Variants in ALDH7A1 observed in about 807,000 individuals in gnomAD.
ALDH7A1 encodes the protein alpha-aminoadipic semialdehyde dehydrogenase.
Under a neutral mutation model 79.9 loss-of-function variants are expected in ALDH7A1, and 63 were observed. The observed-to-expected ratio is 0.79, with a 90% CI of 0.64 to 0.97. ALDH7A1 has a LOEUF of 0.97. Among genes scored for constraint, ALDH7A1 ranks in the 50% least tolerant of loss-of-function variants. ALDH7A1 has a pLI of 0.00. For synonymous variants in ALDH7A1, 240 were observed against 231.2 expected, an observed-to-expected ratio of 1.04 and a Z score of -0.34; for missense variants, 627 against 665.2, an observed-to-expected ratio of 0.94 and a Z score of 0.63.
chr5:126,559,967 C>T (rs529993039), intron 10 of ALDH7A1, among the ~76,000 whole-genome samples: 23 of 98,916 alleles, frequency 2.3e-4, no homozygotes, highest in African/African-American at 6.5e-4. Flanking sequence ...TTTTCTGAGA[C>T]GGAGTCTCAC....
In ALDH7A1 at chr5:126,559,282, A is replaced by G. The variant is rs1750309819; in HGVS notation, c.966T>C (p.Ala322=). Residue 322 remains alanine, a synonymous_variant, in exon 11 of 18, where the codon GCT becomes GCC. Transcript: ENST00000409134. ...SLVVPSALFA[A]VGTAGQRCTT... ...TACACCTCTGGCCAGCTGTTCCCAC[A>G]GCAGCGAAGAGAGCTGATGGAACAA... The G allele has an allele frequency of 1.9e-6, 3 of 1,614,080 alleles. No homozygotes were observed. In the East Asian group the frequency reaches 6.7e-5, roughly 36 times the overall value.
rs76737912 is a variant in ALDH7A1 at position 126,554,576 on chromosome 5, C to A, written c.1094-183G>T. On this transcript the variant is annotated intron_variant, in intron 12 of 17. Transcript: ENST00000409134. ...AATATTTTATGCTTTGGAGGACATA[C>A]GTGATCTCCATCCCAATACTCAACT... 4.7e-6 allele frequency: 3 copies of A among 641,102 alleles called. No homozygotes were observed. The Admixed American group carries it at 6.6e-5, about 14-fold the overall frequency. 39.7% of individuals were successfully genotyped at this position (641,102 alleles called of 1,614,324 possible). A position where few individuals can be genotyped will look rare whatever the true frequency, so the allele number is the denominator to read the frequency against.
intron 12 of ALDH7A1, chr5:126,555,482 CAAAAA>C (rs762878623): frequency 5.6e-4 from 42 of 75,168 alleles, no homozygotes; most frequent in Admixed American, 1.6e-3. Flanking sequence ...AACTGTGTCT[CAAAAA>C]AAAAAAAAAA....
chr5:126,555,798 A>G (rs1734480643), intron 12 of ALDH7A1, 133 bp downstream of exon 12: 2 of 722,798 alleles, frequency 2.8e-6, no homozygotes, highest in Non-Finnish European at 4.9e-6. Context: ...GATACACCAA[A>G]GCCTAATAAC....
Position 126,552,113 on chromosome 5 carries a change from C to A in ALDH7A1, c.1225G>T (p.Val409Leu), listed in dbSNP as rs796052263. The change falls in exon 14 of 18, where the codon GTA becomes TTA. Residue 409 changes from valine (V) to leucine (L), a missense_variant. Val to Leu is a conservative substitution (Grantham distance 32). Transcript: ENST00000409134. ...GKVMDRPGNY[V>L]EPTIVTGLGH... Reference sequence around the variant, plus strand: ...AGACCTGTCACAATTGTCGGTTCTACATAATTTCCAGGGCGATCCATAACC... The same window carrying A: ...AGACCTGTCACAATTGTCGGTTCTAAATAATTTCCAGGGCGATCCATAACC... 6.2e-7 allele frequency: 1 copy of A among 1,613,854 alleles called. No homozygotes were observed. Among genetic ancestry groups the A allele is most frequent in the Admixed American group, 1.7e-5 (1 of 59,988 alleles).
At chr5:126,548,357 C>T (rs1749869332) in intron 16 of ALDH7A1, among the ~76,000 whole-genome samples, 1 of 151,628 alleles carries the variant, frequency 6.6e-6, no homozygotes, top group African/African-American at 2.4e-5. Flanking sequence ...ACCATGTTGC[C>T]CAGGTTCATC....
chr5:126,554,604 G>A (rs1052506961), intron 12 of ALDH7A1: 48 of 576,502 alleles, frequency 8.3e-5, no homozygotes, highest in African/African-American at 4.7e-4. Flanking sequence ...ACTCAACTCC[G>A]TAATTGTAGT....
Position 126,595,103 on chromosome 5 carries a change from G to T in ALDH7A1, c.96C>A (p.Leu32=). 6.3e-7 allele frequency: 1 copy of T among 1,595,496 alleles called. No homozygotes were observed. Residue 32 remains leucine, a synonymous_variant, in exon 1 of 18, where the codon CTC becomes CTA. Transcript: ENST00000409134. Reference sequence around the variant, plus strand: ...ACGCATACTGGGGCTGATTGATGAGGAGAGTGGACATGAAGGCGGCAGGCC... The same window carrying T: ...ACGCATACTGGGGCTGATTGATGAGTAGAGTGGACATGAAGGCGGCAGGCC... The part of the protein sequence containing the change: ...WSRPAAFMST[L]LINQPQYAWL...
intron 9 of ALDH7A1, among the ~76,000 whole-genome samples, chr5:126,565,600 G>C (rs1459331711): frequency 2.0e-5 from 3 of 152,086 alleles, no homozygotes; most frequent in African/African-American, 4.8e-5. Context: ...AGCACAAAAT[G>C]CTTTAATTTT....
rs771562794 is a variant in ALDH7A1, at chr5:126,595,181, G to A, written c.18C>T (p.Arg6=). 1.3e-6 allele frequency: 2 copies of A among 1,552,458 alleles called. No individual in the cohort carries two copies. Among genetic ancestry groups the A allele is most frequent in the South Asian group, 1.2e-5 (1 of 84,212 alleles). Residue 6 remains arginine, a synonymous_variant, in exon 1 of 18, where the codon CGC becomes CGT. Transcript: ENST00000409134. ...TCTTTGCAGCGTGCACACACAGCGC[G>A]CGAGGAAGGCGCCACATACTGAGCC... MWRLP[R]ALCVHAAKTS... is the part of the protein sequence containing the mutation.
In ALDH7A1 at chr5:126,566,420, C is replaced by G. The variant is rs141640439; in HGVS notation, c.871+1839G>C. On this transcript the variant is annotated intron_variant, in intron 9 of 17. Coordinates refer to ENST00000409134, the MANE Select transcript of ALDH7A1 (RefSeq NM_001182.5). ...ATAGAAATATAATTGATTTTTGTATCTCAATCTTGAGTCCTGCAACCTTGC... is the reference window on the plus strand; with the variant it reads ...ATAGAAATATAATTGATTTTTGTATGTCAATCTTGAGTCCTGCAACCTTGC... Among the ~76,000 whole-genome samples, 119 of 152,168 alleles carry G rather than the reference C, an allele frequency of 7.8e-4. 1 individual carries two copies. Among genetic ancestry groups the G allele is most frequent in the African/African-American group, 2.6e-3 (110 of 41,538 alleles).
In ALDH7A1 at chr5:126,575,482, A is replaced by T. The variant is rs2112792324; in HGVS notation, c.651-18T>A. 1.2e-6 allele frequency: 2 copies of T among 1,602,838 alleles called. No homozygotes were observed. Among genetic ancestry groups the T allele is most frequent in the Non-Finnish European group, 1.7e-6 (2 of 1,174,808 alleles). On this transcript the variant is annotated intron_variant, in intron 6 of 17. Coordinates refer to ENST00000409134, the MANE Select transcript of ALDH7A1 (RefSeq NM_001182.5). ...CTCCTTTCCTTAAGAAGGTTAAAAC[A>T]AAAAAAGAAAAAGAAAAACTTATTT...
rs1749646258 is a variant in ALDH7A1, at chr5:126,542,594, G to GT, written c.*2370dup. 6.6e-6 allele frequency: 1 copy of GT among 152,270 alleles called. No individual in the cohort carries two copies. Among genetic ancestry groups the GT allele is most frequent in the African/African-American group, 2.4e-5 (1 of 41,436 alleles). The allele number at this position is 152,270 out of a possible 1,614,324, so 9.4% of individuals were successfully genotyped here. On this transcript the variant is annotated 3_prime_UTR_variant, in exon 18 of 18. Coordinates refer to ENST00000409134, the MANE Select transcript of ALDH7A1 (RefSeq NM_001182.5). ...GTGGAAGGATAGATTGAGCCCAGGA[G>GT]TTGGAGGCTGCAGTGAGCCACTATT...
At chr5:126,571,051 A>C (rs1750751999) in intron 7 of ALDH7A1, 192 bp from the exon 8 acceptor site, 1 of 600,394 alleles carries the variant, frequency 1.7e-6, no homozygotes, top group Middle Eastern at 4.4e-4. Context: ...TAACATTAAG[A>C]ACCCTCTTAT....
chr5:126,591,111 C>A (rs1561671748), intron 3 of ALDH7A1, among the ~76,000 whole-genome samples: 1 of 151,926 alleles, frequency 6.6e-6, no homozygotes, highest in East Asian at 1.9e-4. Flanking sequence ...TTTACAGCAT[C>A]AATCTTTTCT....
At chr5:126,565,219 CCT>C (rs547813613) in intron 9 of ALDH7A1, among the ~76,000 whole-genome samples, 7 of 151,804 alleles carry the variant, frequency 4.6e-5, no homozygotes, top group Admixed American at 4.6e-4. Context: ...ATGGTGAAAC[CCT>C]GTCTCTACTA....
intron 3 of ALDH7A1, chr5:126,591,846 A>C (rs1581405131): frequency 6.6e-6 from 1 of 151,790 alleles, no homozygotes; most frequent in Non-Finnish European, 1.5e-5. Flanking sequence ...GAGACCAAGG[A>C]GGCTGACTCT....
At chr5:126,554,424 A>G in intron 12 of ALDH7A1, 31 bp from the exon 13 acceptor site, 3 of 1,591,814 alleles carry the variant, frequency 1.9e-6, no homozygotes, top group African/African-American at 1.3e-5. Flanking sequence ...CTGGCTCATC[A>G]TTTTGCCCTT....
rs749231711 is a variant in ALDH7A1 at position 126,546,336 on chromosome 5, C to G, written c.1553G>C (p.Arg518Thr). 3 of 1,614,222 alleles carry G rather than the reference C, an allele frequency of 1.9e-6. No individual in the cohort carries two copies. The highest frequency in any genetic ancestry group is 4.5e-5 in the East Asian group (2 of 44,886). The stretch of plus-strand genomic sequence containing the variant: ...AGCCTTTTCTTACCAAGTAGACCTT[C>G]TCATGTACTGTTTCCAGGCATCACT... ...SGSDAWKQYM[R>T]RSTCTINYSK... The change falls in exon 17 of 18, where the codon AGA (arginine) becomes ACA (threonine). Residue 518 changes from arginine (R) to threonine (T), a missense_variant. Physicochemically the swap from Arg to Thr is moderately conservative, Grantham distance 71. Coordinates refer to ENST00000409134, the MANE Select transcript of ALDH7A1 (RefSeq NM_001182.5).
Sources: allele counts gnomAD v4.1 joint callset (sites outside exome capture counted in the v4.1 genomes callset), GRCh38; gene constraint gnomAD v4.1.1; transcripts MANE v1.5; gene names NCBI Gene and HGNC (gene_info 2026-07-23, HGNC 2026-07-21).